The following TTLL4 variants were observed in gnomAD, a reference collection of about 807,000 sequenced individuals.
TTLL4 encodes the protein tubulin monoglutamylase TTLL4.
Under a neutral mutation model 122.7 loss-of-function variants are expected in TTLL4, and 85 were observed. The ratio of observed to expected loss-of-function variants is 0.69; its 90% CI spans 0.58 to 0.83. The LOEUF (loss-of-function observed/expected upper bound fraction) is 0.83, where lower values mean the gene tolerates loss of function less well. Ranked by LOEUF, TTLL4 falls within the 40% of genes least tolerant of loss-of-function variation. TTLL4 has a pLI of 0.00. For missense variants in TTLL4, 1,363 were observed against 1,488.6 expected (o/e 0.92, Z 1.39); for synonymous variants, 553 against 563.0 (o/e 0.98, Z 0.25).
chr2:218,721,573 C>A (rs1054401048), intron 1 of TTLL4, among the ~76,000 whole-genome samples: 2 of 152,166 alleles, frequency 1.3e-5, no homozygotes, highest in Non-Finnish European at 2.9e-5. Flanking sequence ...GTGTGTGCCT[C>A]ACACATTTTG....
chr2:218,757,311 A>C (rs1225953758), downstream of TTLL4, among the ~76,000 whole-genome samples: 2 of 152,168 alleles, frequency 1.3e-5, no homozygotes, highest in African/African-American at 4.8e-5. Flanking sequence ...CCTTCACCCC[A>C]GTGCACACAC....
chr2:218,756,030 G>A (rs1943145087), downstream of TTLL4, among the ~76,000 whole-genome samples: 1 of 152,118 alleles, frequency 6.6e-6, no homozygotes, highest in African/African-American at 2.4e-5. Context: ...CACTCCTATT[G>A]GATCTTTTCT....
At chr2:218,748,007 C>T in intron 11 of TTLL4, 98 bp from the exon 12 acceptor site, 1 of 1,503,820 alleles carries the variant, frequency 6.6e-7, no homozygotes, top group Non-Finnish European at 9.1e-7. Flanking sequence ...GATCTGTGTA[C>T]TTGTTCTACA....
intron 1 of TTLL4, among the ~76,000 whole-genome samples, chr2:218,713,587 T>C (rs1308720280): frequency 6.6e-6 from 1 of 152,214 alleles, no homozygotes; most frequent in Non-Finnish European, 1.5e-5. Flanking sequence ...GCCTAGACGT[T>C]ACCTTATATG....
chr2:218,746,042 C>T (rs1942833729), intron 7 of TTLL4, 113 bp from the exon 8 acceptor site: 12 of 1,261,830 alleles, frequency 9.5e-6, no homozygotes, highest in Middle Eastern at 2.4e-4. Context: ...AGCTCCATAG[C>T]AACTCTTTGA....
At chr2:218,729,946 A>G (rs546771230) in intron 2 of TTLL4, among the ~76,000 whole-genome samples, 3 of 152,070 alleles carry the variant, frequency 2.0e-5, no homozygotes, top group Non-Finnish European at 4.4e-5. Flanking sequence ...GTCTCCCTAT[A>G]TTGCTCAGGC....
intron 8 of TTLL4, 54 bp from the exon 9 acceptor site, chr2:218,746,949 C>T (rs1942859148): frequency 6.4e-7 from 1 of 1,565,316 alleles, no homozygotes; most frequent in African/African-American, 1.4e-5. Flanking sequence ...TTGTCATCTT[C>T]CTCATGGCCT....
Position 218,747,850 on chromosome 2 carries a change from G to C in TTLL4, c.2378+125G>C. On this transcript the variant is annotated intron_variant, in intron 11 of 19. Transcript: ENST00000392102. The surrounding 1 kb of genome is among the most constrained non-coding windows in gnomAD (Gnocchi z 4.7). ...TTAGCAAGGGGAAAGGCAGGAAATG[G>C]GAAATATGGAGGCTCTCTACTTCGT... The C allele has an allele frequency of 7.2e-7, 1 of 1,394,096 alleles. No individual in the cohort carries two copies. The highest frequency in any genetic ancestry group is 9.8e-7 in the Non-Finnish European group (1 of 1,019,770). 86.4% of individuals were successfully genotyped at this position (1,394,096 alleles called of 1,614,324 possible). A position where few individuals can be genotyped will look rare whatever the true frequency, so the allele number is the denominator to read the frequency against.
At chr2:218,719,552 G>A (rs911539151) in intron 1 of TTLL4, among the ~76,000 whole-genome samples, 1 of 148,932 alleles carries the variant, frequency 6.7e-6, no homozygotes, top group African/African-American at 2.5e-5. Context: ...CAAGGTAGGA[G>A]GAAATGGAAA....
intron 1 of TTLL4, among the ~76,000 whole-genome samples, chr2:218,726,179 A>T (rs1321671944): frequency 6.6e-6 from 1 of 151,916 alleles, no homozygotes; most frequent in Non-Finnish European, 1.5e-5. Flanking sequence ...GTTTTGCTGG[A>T]TACAGTATTC....
In TTLL4 at chr2:218,754,546, G is replaced by A. The variant is rs1943113279; in HGVS notation, c.*157G>A. On this transcript the variant is annotated 3_prime_UTR_variant, in exon 20 of 20. Coordinates refer to ENST00000392102, the MANE Select transcript of TTLL4 (RefSeq NM_014640.5). ...GGTTGCATTATAGAGATGGGTATTT[G>A]TAGGGCCGGAGGGATGGTAGTGATG... 5 of 995,412 alleles carry A rather than the reference G, an allele frequency of 5.0e-6. No homozygotes were observed. Among genetic ancestry groups the A allele is most frequent in the East Asian group, 2.6e-5 (1 of 38,464 alleles). The allele number at this position is 995,412 out of a possible 1,614,324, so 61.7% of individuals were successfully genotyped here. A position where few individuals can be genotyped will look rare whatever the true frequency, so the allele number is the denominator to read the frequency against.
At chr2:218,751,658 A>G in intron 15 of TTLL4, 46 bp from the exon 16 acceptor site, 1 of 1,592,828 alleles carries the variant, frequency 6.3e-7, no homozygotes, top group Non-Finnish European at 8.5e-7. Context: ...TCCAAATAAG[A>G]AGCTGCTGAC....
At position 218,752,859 on chromosome 2, in the gene TTLL4, C is replaced by T. The variant is rs1943059748; in HGVS notation, c.3073C>T (p.Arg1025Ter). 3 of 1,614,146 alleles carry T rather than the reference C, an allele frequency of 1.9e-6. No individual in the cohort carries two copies. Among genetic ancestry groups the T allele is most frequent in the Non-Finnish European group, 2.5e-6 (3 of 1,180,024 alleles). Reference sequence around the variant, plus strand: ...GTTTTCTCGCCGTGGTCAGTTTGAACGAATTTTTCCTTCTCATATCTCCTC... The same window carrying T: ...GTTTTCTCGCCGTGGTCAGTTTGAATGAATTTTTCCTTCTCATATCTCCTC... ...DEFSRRGQFERIFPSHISSRY... is the reference protein window; with the variant it reads ...DEFSRRGQFE Residue 1025 changes from arginine to a stop codon, truncating the protein, a stop_gained, in exon 17 of 20, where the codon CGA (arginine) becomes TGA (stop). Coordinates refer to ENST00000392102, the MANE Select transcript of TTLL4 (RefSeq NM_014640.5). LOFTEE classifies it high-confidence loss of function.
At chr2:218,756,953 C>T (rs776915551), downstream of TTLL4, among the ~76,000 whole-genome samples, 3 of 152,132 alleles carry the variant, frequency 2.0e-5, no homozygotes, top group South Asian at 2.1e-4. Context: ...AGGAAAGGAT[C>T]GGGAACCTTG....
intron 1 of TTLL4, among the ~76,000 whole-genome samples, chr2:218,720,425 G>T (rs1941998770): frequency 6.6e-6 from 1 of 152,078 alleles, no homozygotes; most frequent in Admixed American, 6.6e-5. Flanking sequence ...CATATGAATA[G>T]GTCCAACTCG....
chr2:218,758,363 A>G (rs968693012), downstream of TTLL4, among the ~76,000 whole-genome samples: 2 of 152,198 alleles, frequency 1.3e-5, no homozygotes, highest in Admixed American at 1.3e-4. Context: ...GGACTAAAAT[A>G]TGGAGGAAAA....
chr2:218,746,274 T>G (rs749930573), intron 8 of TTLL4, 43 bp downstream of exon 8: 3 of 1,599,026 alleles, frequency 1.9e-6, no homozygotes, highest in Non-Finnish European at 2.6e-6. Flanking sequence ...GACTTTGGAC[T>G]AGGCCAAGAG....
rs768342394 is a variant in TTLL4 at position 218,748,193 on chromosome 2, AATGCAG to A, written c.2471_2476del (p.Ala824_Asp825del). 6.2e-7 allele frequency: 1 copy of A among 1,614,182 alleles called. No individual in the cohort carries two copies. The highest frequency in any genetic ancestry group is 1.3e-5 in the African/African-American group (1 of 75,054). On this transcript the variant is annotated inframe_deletion, in exon 12 of 20. Transcript: ENST00000392102. ...TAAAAAGAATGCCGAGTACCAGGCC[AATGCAG>A]ATGAAATGGCTTGCCAGGGCCACAA... is the stretch of plus-strand genomic sequence containing the variant.
chr2:218,718,682 A>G (rs567701293), intron 1 of TTLL4, among the ~76,000 whole-genome samples: 2 of 152,316 alleles, frequency 1.3e-5, no homozygotes, highest in African/African-American at 4.8e-5. Context: ...CCGGCCAGCA[A>G]TAGATTTTCT....
Sources: allele counts gnomAD v4.1 joint callset (sites outside exome capture counted in the v4.1 genomes callset), GRCh38; gene constraint gnomAD v4.1.1; non-coding constraint Gnocchi (gnomAD v3.1); transcripts MANE v1.5; gene names NCBI Gene and HGNC (gene_info 2026-07-23, HGNC 2026-07-21).